The following STK32B variants were observed in gnomAD, a reference collection of about 807,000 sequenced individuals.
STK32B encodes serine/threonine kinase 32B.
Under a neutral mutation model 52.6 loss-of-function variants are expected in STK32B, and 43 were observed. The observed-to-expected ratio is 0.82, with a 90% CI of 0.64 to 1.05. The LOEUF (loss-of-function observed/expected upper bound fraction) is 1.05, where lower values mean the gene tolerates loss of function less well. Ranked by LOEUF, STK32B falls within the 50% of genes least tolerant of loss-of-function variation. The probability of loss-of-function intolerance (pLI) is 0.00; values close to 1 mark genes in which losing one functional copy is unlikely to be tolerated. For synonymous variants in STK32B, 238 were observed against 204.3 expected (o/e 1.17, Z -1.41); for missense variants, 621 against 534.6 (o/e 1.16, Z -1.59).
chr4:5,182,296 A>G (rs1174966111), intron 3 of STK32B, among the ~76,000 whole-genome samples: 1 of 151,570 alleles, frequency 6.6e-6, no homozygotes, highest in Non-Finnish European at 1.5e-5. Flanking sequence ...TTTCTTCTAA[A>G]CTCCTGTTAA....
the STK32B span, among the ~76,000 whole-genome samples, chr4:5,022,331 A>T: frequency 6.6e-6 from 1 of 152,162 alleles, no homozygotes; most frequent in Admixed American, 6.5e-5. Flanking sequence ...TTACTCAGAG[A>T]TTAAGGCACA....
chr4:5,310,306 T>G (rs1166202732), intron 3 of STK32B, among the ~76,000 whole-genome samples: 1 of 152,150 alleles, frequency 6.6e-6, no homozygotes, highest in East Asian at 1.9e-4. Flanking sequence ...GGGTTAATAT[T>G]CAGAACATAA....
chr4:5,238,257 C>A (rs79608473), intron 3 of STK32B, among the ~76,000 whole-genome samples: 5,769 of 152,160 alleles, frequency 0.038, 170 homozygotes, highest in African/African-American at 0.083. Flanking sequence ...TCCTTCCTTG[C>A]CTTCTCCAGC....
intron 5 of STK32B, among the ~76,000 whole-genome samples, chr4:5,403,818 CT>C (rs1474640676): frequency 6.6e-6 from 1 of 151,966 alleles, no homozygotes; most frequent in Non-Finnish European, 1.5e-5. Context: ...GATTTGGGGA[CT>C]GTAGCAGTTG....
chr4:5,094,408 T>G (rs1713265763), intron 1 of STK32B, among the ~76,000 whole-genome samples: 1 of 152,100 alleles, frequency 6.6e-6, no homozygotes, highest in African/African-American at 2.4e-5. Flanking sequence ...ATCCTAGCAT[T>G]TTGAGAGGCC....
rs543474456 is a variant in STK32B at position 5,255,772 on chromosome 4, T to C, written c.261-75448T>C. Among the ~76,000 whole-genome samples, 3 of 152,344 alleles carry C rather than the reference T, an allele frequency of 2.0e-5. No homozygotes were observed. The South Asian group carries it at 6.2e-4, about 32-fold the overall frequency. Reference sequence around the variant, plus strand: ...CTATTGTATATAAGTTTAATCTTTTTCATTATTGCCTACTCTTCTACTATA... The same window carrying C: ...CTATTGTATATAAGTTTAATCTTTTCCATTATTGCCTACTCTTCTACTATA... On this transcript the variant is annotated intron_variant, in intron 3 of 11. Transcript: ENST00000282908.
intron 3 of STK32B, among the ~76,000 whole-genome samples, chr4:5,285,153 A>G (rs570927983): frequency 6.6e-6 from 1 of 152,306 alleles, no homozygotes; most frequent in South Asian, 2.1e-4. Context: ...CATAATACAT[A>G]TTACATACAA....
intron 3 of STK32B, among the ~76,000 whole-genome samples, chr4:5,271,517 G>T (rs1230896734): frequency 6.7e-6 from 1 of 149,854 alleles, no homozygotes; most frequent in Non-Finnish European, 1.5e-5. Context: ...GAACTTGAAA[G>T]TAGTTTTTTC....
intron 3 of STK32B, among the ~76,000 whole-genome samples, chr4:5,241,727 T>C (rs1725040762): frequency 1.3e-5 from 2 of 152,068 alleles, no homozygotes; most frequent in South Asian, 2.1e-4. Context: ...CCCTCCCTGC[T>C]CCCACCACCC....
At chr4:5,414,775 T>C (rs1432380461) in intron 5 of STK32B, among the ~76,000 whole-genome samples, 2 of 152,234 alleles carry the variant, frequency 1.3e-5, no homozygotes, top group East Asian at 3.8e-4. Flanking sequence ...AATTGTGTGA[T>C]TGATTACATG....
chr4:5,450,460 G>T (rs1322759487), intron 7 of STK32B, among the ~76,000 whole-genome samples: 2 of 152,150 alleles, frequency 1.3e-5, no homozygotes, highest in Non-Finnish European at 2.9e-5. Context: ...AGGGAGCGTT[G>T]TACCTCCAGA....
At chr4:5,458,212 G>A (rs1716731551) in intron 8 of STK32B, among the ~76,000 whole-genome samples, 1 of 152,178 alleles carries the variant, frequency 6.6e-6, no homozygotes, top group Non-Finnish European at 1.5e-5. Context: ...GTCCGACATG[G>A]GCGGGAGATC....
rs151302508 is a variant in STK32B, at chr4:5,386,946, C to G, written c.435-11261C>G. Among the ~76,000 whole-genome samples the G allele has an allele frequency of 2.2e-4, 33 of 152,296 alleles. No homozygotes were observed. The highest frequency in any genetic ancestry group is 7.7e-4 in the African/African-American group (32 of 41,548). On this transcript the variant is annotated intron_variant, in intron 4 of 11. Transcript: ENST00000282908. The surrounding 1 kb of genome is among the most constrained non-coding windows in gnomAD (Gnocchi z 4.5). ...CGTCTTCACAGAAATAGGAAGCTCT[C>G]GAAGAGTCGCAGCATCTCACAGGCC...
intron 2 of STK32B, among the ~76,000 whole-genome samples, chr4:5,158,782 C>T (rs754431051): frequency 6.6e-6 from 1 of 152,086 alleles, no homozygotes; most frequent in South Asian, 2.1e-4. Context: ...GTCTCTGTCC[C>T]GATCCCTCTT....
the STK32B span, among the ~76,000 whole-genome samples, chr4:5,028,267 A>G: frequency 7.2e-5 from 11 of 152,160 alleles, no homozygotes; most frequent in Non-Finnish European, 1.0e-4. Flanking sequence ...ATCTGGGACT[A>G]CAGGAGTAGC....
chr4:5,317,357 TATA>T (rs1731124262), intron 3 of STK32B, among the ~76,000 whole-genome samples: 1 of 37,186 alleles, frequency 2.7e-5, no homozygotes, highest in African/African-American at 1.5e-4. Flanking sequence ...ATATAATATA[TATA>T]ATGTATATGT....
intron 3 of STK32B, among the ~76,000 whole-genome samples, chr4:5,231,819 G>C (rs1022887883): frequency 1.3e-5 from 2 of 152,162 alleles, no homozygotes; most frequent in Non-Finnish European, 2.9e-5. Flanking sequence ...AAGAGAAAGA[G>C]ATCAATAGCC....
At position 5,500,935 on chromosome 4, in the gene STK32B, T is replaced by C. The variant is rs1720679852; in HGVS notation, c.*1852T>C. 1 of 152,152 alleles carries C rather than the reference T, an allele frequency of 6.6e-6. No homozygotes were observed. The highest frequency in any genetic ancestry group is 1.5e-5 in the Non-Finnish European group (1 of 68,034). 9.4% of individuals were successfully genotyped at this position (152,152 alleles called of 1,614,324 possible). On this transcript the variant is annotated 3_prime_UTR_variant, in exon 12 of 12. Transcript: ENST00000282908. Reference sequence around the variant, plus strand: ...TGGAAGTCGCCCTAGGAACACCAGATTTCCTGGTTCTGTTCAAGTTGGCAT... The same window carrying C: ...TGGAAGTCGCCCTAGGAACACCAGACTTCCTGGTTCTGTTCAAGTTGGCAT...
At chr4:5,185,610 A>G (rs555004504) in intron 3 of STK32B, among the ~76,000 whole-genome samples, 66 of 152,318 alleles carry the variant, frequency 4.3e-4, no homozygotes, top group African/African-American at 1.6e-3. Context: ...AGCCTTATAA[A>G]CAATTGCTAG....
Sources: gnomAD v4.1 joint callset for allele counts (sites outside exome capture counted in the v4.1 genomes callset) on GRCh38, gnomAD v4.1.1 for gene constraint, Gnocchi (gnomAD v3.1) non-coding constraint, MANE v1.5 for transcripts, NCBI Gene and HGNC (gene_info 2026-07-23, HGNC 2026-07-21) for gene names.